SYNPR: variants seen among roughly 807,000 people sequenced by gnomAD.
The protein encoded by SYNPR is synaptoporin.
SYNPR carries 23 observed loss-of-function variants against 32.9 expected under a neutral mutation model. That is an observed-to-expected ratio of 0.70 (90% CI 0.50 to 0.99). The LOEUF (loss-of-function observed/expected upper bound fraction) is 0.99. SYNPR is among the 50% of genes least tolerant of loss of function. The probability of loss-of-function intolerance (pLI) is 0.00; values close to 1 mark genes in which losing one functional copy is unlikely to be tolerated. For synonymous variants in SYNPR, 146 were observed against 135.9 expected (o/e 1.07, Z -0.52); for missense variants, 318 against 349.3 (o/e 0.91, Z 0.71).
intron 2 of SYNPR, among the ~76,000 whole-genome samples, chr3:63,370,613 G>T (rs2087800347): frequency 6.6e-6 from 1 of 152,164 alleles, no homozygotes; most frequent in Non-Finnish European, 1.5e-5. Context: ...TTTTGTCTAT[G>T]ATTTGTGGGC....
intron 2 of SYNPR, among the ~76,000 whole-genome samples, chr3:63,336,127 C>A (rs2087291056): frequency 1.3e-5 from 2 of 151,960 alleles, no homozygotes; most frequent in Admixed American, 1.3e-4. Context: ...TTAAATATAT[C>A]ATGGAATAAT....
chr3:63,558,703 C>T (rs776888084), intron 4 of SYNPR, among the ~76,000 whole-genome samples: 5 of 151,912 alleles, frequency 3.3e-5, no homozygotes, highest in Non-Finnish European at 5.9e-5. Flanking sequence ...AAAAATTATG[C>T]ATTAATAATA....
intron 3 of SYNPR, among the ~76,000 whole-genome samples, chr3:63,506,113 T>C (rs1701582166): frequency 6.7e-6 from 1 of 150,084 alleles, no homozygotes; most frequent in South Asian, 2.1e-4. Flanking sequence ...CTCCTTGCTT[T>C]TTTCCTTCTC....
At chr3:63,412,230 T>C (rs2088475914) in intron 2 of SYNPR, among the ~76,000 whole-genome samples, 2 of 152,166 alleles carry the variant, frequency 1.3e-5, no homozygotes, top group African/African-American at 2.4e-5. Flanking sequence ...TGGCACATGC[T>C]GAGACTGGGG....
At chr3:63,232,192 C>CTTTTTTTTTTTTT (rs57078088) in intron 1 of SYNPR, among the ~76,000 whole-genome samples, 2 of 59,514 alleles carry the variant, frequency 3.4e-5, no homozygotes, top group Non-Finnish European at 6.0e-5. Flanking sequence ...CAGATTCTGA[C>CTTTTTTTTTTTTT]TTTTTTTTTT....
chr3:63,501,511 AAAAGAAAAG>A (rs1701481065), intron 3 of SYNPR, among the ~76,000 whole-genome samples: 1 of 87,758 alleles, frequency 1.1e-5, no homozygotes, highest in African/African-American at 5.7e-5. Flanking sequence ...AAAAAAAAAA[AAAAGAAAAG>A]AAAAAGAAAA....
intron 3 of SYNPR, among the ~76,000 whole-genome samples, chr3:63,517,298 A>G (rs1701818151): frequency 6.6e-6 from 1 of 152,140 alleles, no homozygotes; most frequent in Non-Finnish European, 1.5e-5. Flanking sequence ...AATGCTTGAG[A>G]TTCATTGTGG....
intron 2 of SYNPR, among the ~76,000 whole-genome samples, chr3:63,353,556 G>A (rs899178741): frequency 1.3e-5 from 2 of 152,198 alleles, no homozygotes; most frequent in Non-Finnish European, 2.9e-5. Flanking sequence ...GCCAGTAGTT[G>A]AATCGTGATG....
intron 2 of SYNPR, among the ~76,000 whole-genome samples, chr3:63,395,917 C>A (rs2088207011): frequency 6.6e-6 from 1 of 151,896 alleles, no homozygotes; most frequent in Admixed American, 6.6e-5. Flanking sequence ...TTTACTTAAT[C>A]TCTTTACCTC....
intron 2 of SYNPR, among the ~76,000 whole-genome samples, chr3:63,471,648 C>T (rs1458926306): frequency 3.9e-5 from 6 of 152,188 alleles, no homozygotes; most frequent in Non-Finnish European, 8.8e-5. Flanking sequence ...AACCTTTCTG[C>T]GCTGGAAAAT....
intron 2 of SYNPR, among the ~76,000 whole-genome samples, chr3:63,289,129 G>A (rs1317584119): frequency 6.6e-6 from 1 of 152,196 alleles, no homozygotes; most frequent in Non-Finnish European, 1.5e-5. Context: ...TGTAACTGAG[G>A]AAGAGGTTGT....
chr3:63,258,627 C>A (rs2086409394), intron 2 of SYNPR, among the ~76,000 whole-genome samples: 1 of 152,022 alleles, frequency 6.6e-6, no homozygotes, highest in Admixed American at 6.5e-5. Context: ...CAGGAAAGAT[C>A]TAAAATTGAC....
intron 2 of SYNPR, among the ~76,000 whole-genome samples, chr3:63,392,129 TAGAAAAG>T (rs2088145466): frequency 6.6e-6 from 1 of 152,314 alleles, no homozygotes; most frequent in Non-Finnish European, 1.5e-5. Context: ...ACATTTATTA[TAGAAAAG>T]AGAAAACATG....
intron 2 of SYNPR, among the ~76,000 whole-genome samples, chr3:63,281,348 G>A (rs1387781896): frequency 1.3e-5 from 2 of 152,194 alleles, no homozygotes; most frequent in Non-Finnish European, 2.9e-5. Context: ...GTGTCTTTAA[G>A]CTGCAATTTC....
At chr3:63,406,202 C>T (rs1234213773) in intron 2 of SYNPR, among the ~76,000 whole-genome samples, 1 of 147,990 alleles carries the variant, frequency 6.8e-6, no homozygotes, top group Admixed American at 6.7e-5. Flanking sequence ...TAGAATGCAG[C>T]TTTAAAAAAA....
chr3:63,362,678 G>A (rs1433122368), intron 2 of SYNPR, among the ~76,000 whole-genome samples: 1 of 152,142 alleles, frequency 6.6e-6, no homozygotes, highest in Non-Finnish European at 1.5e-5. Context: ...AGTACTGCAT[G>A]CTGACAGGGA....
intron 4 of SYNPR, among the ~76,000 whole-genome samples, chr3:63,608,228 G>T (rs146138526): frequency 6.6e-6 from 1 of 152,080 alleles, no homozygotes; most frequent in African/African-American, 2.4e-5. Flanking sequence ...GTTTGGAGAT[G>T]GTCTCTACAA....
At chr3:63,464,150 C>A (rs1054876641) in intron 2 of SYNPR, among the ~76,000 whole-genome samples, 1 of 152,152 alleles carries the variant, frequency 6.6e-6, no homozygotes, top group African/African-American at 2.4e-5. Flanking sequence ...TGCTCTGATG[C>A]TAGTTCTGTC....
At chr3:63,210,795 C>CCCTT in the SYNPR span, among the ~76,000 whole-genome samples, 3,194 of 143,928 alleles carry the variant, frequency 0.022, 56 homozygotes, top group South Asian at 0.075. Context: ...CCATTTTCCT[C>CCCTT]CCTTCCTTCC....
Sources: gnomAD v4.1 joint callset for allele counts (sites outside exome capture counted in the v4.1 genomes callset) on GRCh38, gnomAD v4.1.1 for gene constraint, MANE v1.5 for transcripts, NCBI Gene and HGNC (gene_info 2026-07-23, HGNC 2026-07-21) for gene names.